The following KCNJ15 variants were observed in gnomAD, a reference collection of about 807,000 sequenced individuals.
KCNJ15 encodes potassium inwardly rectifying channel subfamily J member 15.
KCNJ15 carries 14 observed loss-of-function variants against 23.0 expected under a neutral mutation model. The observed-to-expected ratio is 0.61, with a 90% confidence interval of 0.40 to 0.95. The LOEUF (loss-of-function observed/expected upper bound fraction) is 0.95, where lower values mean the gene tolerates loss of function less well. Ranked by LOEUF, KCNJ15 falls within the 40% of genes least tolerant of loss-of-function variation. The pLI, the probability that KCNJ15 is intolerant of heterozygous loss-of-function variation, is 0.00. For synonymous variants in KCNJ15, 185 were observed against 183.2 expected (o/e 1.01, Z -0.08); for missense variants, 388 against 461.8 (o/e 0.84, Z 1.46).
Position 38,288,030 on chromosome 21 carries a change from G to GTTTTTTTTTTTTTTTTTTTTTTTT in KCNJ15, c.-116-8891_-116-8868dup, listed in dbSNP as rs71184612. 8.6e-5 allele frequency among the ~76,000 whole-genome samples: 7 copies of GTTTTTTTTTTTTTTTTTTTTTTTT among 81,424 alleles called. 1 individual carries two copies. The highest frequency in any genetic ancestry group is 5.0e-4 in the South Asian group (1 of 1,996). 53.4% of individuals were successfully genotyped at this position (81,424 alleles called of 152,430 possible). On this transcript the variant is annotated intron_variant, in intron 1 of 2. Coordinates refer to ENST00000398938, the MANE Select transcript of KCNJ15 (RefSeq NM_170736.3). ...TGTTAAATAACTTGTTTTTTTCTTT[G>GTTTTTTTTTTTTTTTTTTTTTTTT]TTTTTTTTTTTTTTTTTTTTTTTTT...
intron 1 of KCNJ15, among the ~76,000 whole-genome samples, chr21:38,260,539 C>G (rs776754440): frequency 5.9e-5 from 9 of 152,234 alleles, no homozygotes; most frequent in Non-Finnish European, 1.2e-4. Context: ...TTCCAGAATA[C>G]AGTTTGTGCT....
chr21:38,292,564 GTTC>G, intron 1 of KCNJ15, among the ~76,000 whole-genome samples: 1 of 152,148 alleles, frequency 6.6e-6, no homozygotes. Flanking sequence ...TTTCTATGTT[GTTC>G]TTAGGGATAA....
chr21:38,233,694 A>C (rs1978418945), intron 1 of KCNJ15, among the ~76,000 whole-genome samples: 1 of 152,152 alleles, frequency 6.6e-6, no homozygotes, highest in Non-Finnish European at 1.5e-5. Context: ...TATCATCACT[A>C]ATTTTACAGA....
rs1440777396 is a variant in KCNJ15 at position 38,257,053 on chromosome 21, TGAGA to T, written c.-245_-242del. The T allele has an allele frequency of 6.6e-6, 1 of 152,038 alleles. No individual in the cohort carries two copies. The highest frequency in any genetic ancestry group is 6.6e-5 in the Admixed American group (1 of 15,252). 9.4% of individuals were successfully genotyped at this position (152,038 alleles called of 1,614,324 possible). On this transcript the variant is annotated 5_prime_UTR_variant, in exon 1 of 3. Transcript: ENST00000398938. ...CTTGTTTTTGACTGACAGTGAACAG[TGAGA>T]GAGTTTTCTTCATTTTGAGGAACCC...
chr21:38,278,299 T>C (rs1982955898), intron 1 of KCNJ15, among the ~76,000 whole-genome samples: 1 of 152,226 alleles, frequency 6.6e-6, no homozygotes, highest in African/African-American at 2.4e-5. Context: ...GTGTGATGGA[T>C]GAAGAGCTGG....
chr21:38,242,425 C>A (rs1414081574), intron 1 of KCNJ15, among the ~76,000 whole-genome samples: 2 of 152,138 alleles, frequency 1.3e-5, no homozygotes, highest in African/African-American at 4.8e-5. Context: ...CCCCATGGTG[C>A]CTGCCACACA....
intron 1 of KCNJ15, among the ~76,000 whole-genome samples, chr21:38,273,611 T>C (rs1446810360): frequency 6.6e-6 from 1 of 152,242 alleles, no homozygotes; most frequent in African/African-American, 2.4e-5. Flanking sequence ...AGAATTTAGG[T>C]TGCATATTTT....
At chr21:38,233,220 A>C (rs1253910010) in intron 1 of KCNJ15, among the ~76,000 whole-genome samples, 4 of 151,872 alleles carry the variant, frequency 2.6e-5, no homozygotes, top group African/African-American at 9.7e-5. Flanking sequence ...ATCTCCACTA[A>C]TATTTTCTGG....
chr21:38,248,557 A>T (rs1979608968), intron 1 of KCNJ15, among the ~76,000 whole-genome samples: 1 of 152,088 alleles, frequency 6.6e-6, no homozygotes, highest in Non-Finnish European at 1.5e-5. Flanking sequence ...GTGCAGCAGC[A>T]CTTTGAGGGC....
rs544530145 is a variant in KCNJ15, at chr21:38,236,249, C to T, written c.-398-20797C>T. Among the ~76,000 whole-genome samples, 13 of 152,258 alleles carry T rather than the reference C, an allele frequency of 8.5e-5. No homozygotes were observed. In the East Asian group the frequency reaches 9.6e-4, roughly 11 times the overall value. Reference sequence around the variant, plus strand: ...ACCTGGCTGACATGATTTTCTTCACCGTCACTTGCTCTGGCTGGTATTTGT... The same window carrying T: ...ACCTGGCTGACATGATTTTCTTCACTGTCACTTGCTCTGGCTGGTATTTGT... On this transcript the variant is annotated intron_variant, in intron 1 of 4. Transcript: ENST00000547341.
rs1985539470 is a variant in KCNJ15 at position 38,299,559 on chromosome 21, C to T, written c.298C>T (p.Pro100Ser). Residue 100 changes from proline (P) to serine (S), a missense_variant, in exon 3 of 3, where the codon CCC becomes TCC. Coordinates refer to ENST00000398938, the MANE Select transcript of KCNJ15 (RefSeq NM_170736.3). The surrounding 1 kb of genome is among the most constrained non-coding windows in gnomAD (Gnocchi z 4.5). ...FIHGDLEPGE[P>S]ISNHTPCIMK... ...TCATGGGGACTTAGAACCCGGTGAG[C>T]CCATTTCAAATCATACCCCCTGCAT... 5 of 1,613,962 alleles carry T rather than the reference C, an allele frequency of 3.1e-6. No individual in the cohort carries two copies. The Admixed American group carries it at 8.3e-5, about 27-fold the overall frequency.
At chr21:38,257,783 A>T (rs1012596775) in intron 1 of KCNJ15, among the ~76,000 whole-genome samples, 1 of 152,226 alleles carries the variant, frequency 6.6e-6, no homozygotes, top group Non-Finnish European at 1.5e-5. Flanking sequence ...GTATAATTTC[A>T]TGAGAGTTTA....
intron 1 of KCNJ15, among the ~76,000 whole-genome samples, chr21:38,266,359 A>G (rs750466950): frequency 2.6e-5 from 4 of 152,024 alleles, no homozygotes; most frequent in East Asian, 1.9e-4. Flanking sequence ...TCATTGTTCA[A>G]TTCCCACTTA....
chr21:38,246,370 G>A (rs1020295735), intron 1 of KCNJ15, among the ~76,000 whole-genome samples: 16 of 152,160 alleles, frequency 1.1e-4, no homozygotes, highest in African/African-American at 3.9e-4. Context: ...GGTTACTGTT[G>A]GCCTATATGA....
intron 1 of KCNJ15, among the ~76,000 whole-genome samples, chr21:38,275,010 C>T (rs113766510): frequency 0.029 from 4,422 of 152,222 alleles, 81 homozygotes; most frequent in Non-Finnish European, 0.038. Context: ...TGCTTGGAGC[C>T]AACACCACCA....
At chr21:38,277,996 A>G (rs1432627970) in intron 1 of KCNJ15, among the ~76,000 whole-genome samples, 1 of 152,202 alleles carries the variant, frequency 6.6e-6, no homozygotes, top group African/African-American at 2.4e-5. Context: ...AAGAACTTCT[A>G]GGGAACACTG....
intron 1 of KCNJ15, among the ~76,000 whole-genome samples, chr21:38,240,714 CT>C (rs1978939642): frequency 6.6e-6 from 1 of 152,162 alleles, no homozygotes; most frequent in African/African-American, 2.4e-5. Context: ...CCAAATAACA[CT>C]TGACCAAACA....
chr21:38,263,677 G>A (rs182017563), intron 1 of KCNJ15, among the ~76,000 whole-genome samples: 1 of 152,268 alleles, frequency 6.6e-6, no homozygotes, highest in Non-Finnish European at 1.5e-5. Context: ...GATGGGTGTG[G>A]AGTGGCAAGG....
intron 1 of KCNJ15, among the ~76,000 whole-genome samples, chr21:38,277,588 A>T (rs1306196612): frequency 6.6e-6 from 1 of 152,000 alleles, no homozygotes; most frequent in Non-Finnish European, 1.5e-5. Context: ...CGGGTGATTC[A>T]CGGCATAAGA....
Sources: allele counts gnomAD v4.1 joint callset (sites outside exome capture counted in the v4.1 genomes callset), GRCh38; gene constraint gnomAD v4.1.1; non-coding constraint Gnocchi (gnomAD v3.1); transcripts MANE v1.5; gene names NCBI Gene and HGNC (gene_info 2026-07-23, HGNC 2026-07-21).